Variants in CCDC178 observed in about 807,000 individuals in gnomAD.
The protein encoded by CCDC178 is coiled-coil domain containing 178.
A neutral mutation model predicts 117.4 loss-of-function variants in CCDC178; 126 were observed. That is an observed-to-expected ratio of 1.07 (90% CI 0.93 to 1.24). CCDC178 has a LOEUF of 1.24. CCDC178 is among the 50% of genes most tolerant of loss of function. The probability of loss-of-function intolerance (pLI) is 0.00; values close to 1 mark genes in which losing one functional copy is unlikely to be tolerated. For missense variants in CCDC178, 1,030 were observed against 986.9 expected (o/e 1.04, Z -0.59); for synonymous variants, 283 against 313.4 (o/e 0.90, Z 1.02).
chr18:33,057,946 G>A (rs1192327806), intron 21 of CCDC178, among the ~76,000 whole-genome samples: 3 of 152,146 alleles, frequency 2.0e-5, no homozygotes, highest in Admixed American at 2.0e-4. Flanking sequence ...CATCCACAGT[G>A]GGGTAGCACT....
At chr18:32,966,190 G>A (rs1211537753) in intron 22 of CCDC178, among the ~76,000 whole-genome samples, 1 of 151,722 alleles carries the variant, frequency 6.6e-6, no homozygotes, top group Non-Finnish European at 1.5e-5. Context: ...TAGCTGGCAA[G>A]TGAATAGTCC....
chr18:33,213,056 G>T (rs1334949876), intron 19 of CCDC178, among the ~76,000 whole-genome samples: 1 of 151,834 alleles, frequency 6.6e-6, no homozygotes, highest in East Asian at 1.9e-4. Context: ...TAATATCTCT[G>T]CTTTTAAATA....
intron 21 of CCDC178, among the ~76,000 whole-genome samples, chr18:33,041,162 C>G (rs1415337632): frequency 6.6e-6 from 1 of 151,504 alleles, no homozygotes; most frequent in South Asian, 2.1e-4. Context: ...TTAAAATTAC[C>G]CATATCTATA....
chr18:33,130,088 A>C (rs2058052801), intron 20 of CCDC178, among the ~76,000 whole-genome samples: 1 of 151,966 alleles, frequency 6.6e-6, no homozygotes, highest in Admixed American at 6.6e-5. Context: ...TAGCATAGCT[A>C]AATTTCATTT....
chr18:33,025,534 A>G, intron 21 of CCDC178, among the ~76,000 whole-genome samples: 1 of 152,216 alleles, frequency 6.6e-6, no homozygotes. Flanking sequence ...AAAATGGTCA[A>G]AACTCAAAGG....
rs147471960 is a variant in CCDC178, at chr18:33,163,791, T to A, written c.2238+48105A>T. On this transcript the variant is annotated intron_variant, in intron 20 of 22. Transcript: ENST00000383096. ...ATAATTCTTTGGTGTCAGAATGTTG[T>A]TTCAGTAAGTTTTAGTTAAGTCTTA... Among the ~76,000 whole-genome samples the A allele has an allele frequency of 1.9e-3, 290 of 152,358 alleles. 1 individual carries two copies. The highest frequency in any genetic ancestry group is 6.5e-3 in the African/African-American group (271 of 41,596).
intron 14 of CCDC178, among the ~76,000 whole-genome samples, chr18:33,259,708 G>C (rs2059719783): frequency 6.6e-6 from 1 of 151,938 alleles, no homozygotes; most frequent in African/African-American, 2.4e-5. Context: ...ATTTGGGTGG[G>C]GACTTAGAGC....
intron 20 of CCDC178, among the ~76,000 whole-genome samples, chr18:33,134,277 A>T (rs933205749): frequency 7.2e-5 from 11 of 151,990 alleles, no homozygotes; most frequent in Non-Finnish European, 1.5e-4. Flanking sequence ...TCCATAATTT[A>T]TGAATGTTCA....
At chr18:32,981,203 A>G (rs981889413) in intron 21 of CCDC178, among the ~76,000 whole-genome samples, 2 of 152,184 alleles carry the variant, frequency 1.3e-5, no homozygotes, top group Non-Finnish European at 2.9e-5. Context: ...AAATAAACAC[A>G]TTAAAATTGC....
rs138069938 is a variant in CCDC178 at position 33,412,199 on chromosome 18, G to A, written c.-22-89C>T. On this transcript the variant is annotated intron_variant, in intron 2 of 22. Coordinates refer to ENST00000383096, the MANE Select transcript of CCDC178 (RefSeq NM_001105528.4). ...AAAATTGTCAATTCAAGAACTGATAGTGTAAAATGTAAGGATGTAAAATGT... is the reference window on the plus strand; with the variant it reads ...AAAATTGTCAATTCAAGAACTGATAATGTAAAATGTAAGGATGTAAAATGT... The A allele has an allele frequency of 1.6e-3, 805 of 506,856 alleles. 4 individuals are homozygous for A. Among genetic ancestry groups the A allele is most frequent in the African/African-American group, 0.013 (668 of 50,578 alleles). The allele number at this position is 506,856 out of a possible 1,614,324, so 31.4% of individuals were successfully genotyped here. A position where few individuals can be genotyped will look rare whatever the true frequency, so the allele number is the denominator to read the frequency against.
At chr18:33,066,287 A>G (rs1318309098) in intron 21 of CCDC178, among the ~76,000 whole-genome samples, 1 of 152,192 alleles carries the variant, frequency 6.6e-6, no homozygotes, top group Non-Finnish European at 1.5e-5. Context: ...TAAAAGGATG[A>G]TATCTACTAT....
intron 20 of CCDC178, among the ~76,000 whole-genome samples, chr18:33,156,301 G>A (rs1412706432): frequency 6.6e-6 from 1 of 151,406 alleles, no homozygotes; most frequent in African/African-American, 2.4e-5. Flanking sequence ...TGTTGGCCAG[G>A]CTGGTCTCAA....
In CCDC178 at chr18:33,293,371, T is replaced by TATACTTAGG. The variant is rs1264715622; in HGVS notation, c.1023-68_1023-60dup. On this transcript the variant is annotated intron_variant, in intron 11 of 22. Transcript: ENST00000383096. Reference sequence around the variant, plus strand: ...TTAAAAGAAAAAATATATTTTAAATTATACTTAGGCCAGGCTTGGTGGCTC... The same window carrying TATACTTAGG: ...TTAAAAGAAAAAATATATTTTAAATTATACTTAGGATACTTAGGCCAGGCTTGGTGGCTC... 4 of 1,115,564 alleles carry TATACTTAGG rather than the reference T, an allele frequency of 3.6e-6. No individual in the cohort carries two copies. In the Admixed American group the frequency reaches 1.1e-4, roughly 29 times the overall value. 69.1% of individuals were successfully genotyped at this position (1,115,564 alleles called of 1,614,324 possible).
chr18:33,108,851 T>C (rs1017702578), intron 20 of CCDC178, among the ~76,000 whole-genome samples: 1 of 151,706 alleles, frequency 6.6e-6, no homozygotes. Flanking sequence ...CAAGCTATAA[T>C]TTAAAAATAA....
At chr18:33,158,981 G>GA (rs1452768714) in intron 20 of CCDC178, among the ~76,000 whole-genome samples, 1 of 152,014 alleles carries the variant, frequency 6.6e-6, no homozygotes, top group Admixed American at 6.6e-5. Context: ...CTTATAATTG[G>GA]ATGAGGACAG....
At chr18:33,261,060 T>G (rs1168783382) in intron 14 of CCDC178, among the ~76,000 whole-genome samples, 1 of 149,136 alleles carries the variant, frequency 6.7e-6, no homozygotes, top group Non-Finnish European at 1.5e-5. Context: ...ATATACATTT[T>G]AATATCAGGG....
At chr18:33,097,453 AG>A (rs1256800152) in intron 20 of CCDC178, among the ~76,000 whole-genome samples, 2 of 152,276 alleles carry the variant, frequency 1.3e-5, no homozygotes, top group African/African-American at 4.8e-5. Context: ...TCTGGCACAT[AG>A]AATCATAAGC....
intron 20 of CCDC178, among the ~76,000 whole-genome samples, chr18:33,101,219 T>C (rs955404396): frequency 1.3e-5 from 2 of 151,370 alleles, no homozygotes; most frequent in Non-Finnish European, 2.9e-5. Flanking sequence ...CTATGCATTA[T>C]AATCATTTAA....
chr18:33,409,494 A>G (rs1371699570), intron 3 of CCDC178, among the ~76,000 whole-genome samples: 1 of 152,220 alleles, frequency 6.6e-6, no homozygotes, highest in Non-Finnish European at 1.5e-5. Context: ...TAAAAGTGTT[A>G]TTATGCTGAA....
Sources: allele counts gnomAD v4.1 joint callset (sites outside exome capture counted in the v4.1 genomes callset), GRCh38; gene constraint gnomAD v4.1.1; transcripts MANE v1.5; gene names NCBI Gene and HGNC (gene_info 2026-07-23, HGNC 2026-07-21).